The following PEBP4 variants were observed in gnomAD, a reference collection of about 807,000 sequenced individuals.
PEBP4 encodes phosphatidylethanolamine binding protein 4.
PEBP4 carries 22 observed loss-of-function variants against 23.9 expected under a neutral mutation model. The observed-to-expected ratio is 0.92, with a 90% confidence interval of 0.66 to 1.31. PEBP4 has a LOEUF of 1.31. PEBP4 is among the 40% of genes most tolerant of loss of function. The pLI, the probability that PEBP4 is intolerant of heterozygous loss-of-function variation, is 0.00. For missense variants in PEBP4, 324 were observed against 281.7 expected (o/e 1.15, Z -1.07); for synonymous variants, 112 against 99.3 (o/e 1.13, Z -0.76).
At chr8:22,923,497 G>A (rs1428436571) in intron 2 of PEBP4, among the ~76,000 whole-genome samples, 1 of 152,104 alleles carries the variant, frequency 6.6e-6, no homozygotes, top group Non-Finnish European at 1.5e-5. Context: ...AGTCTGGGAG[G>A]TCAAGGTTGC....
At position 22,865,829 on chromosome 8, in the gene PEBP4, G is replaced by C. The variant is rs1046939687; in HGVS notation, c.259-48094C>G. 6.6e-6 allele frequency among the ~76,000 whole-genome samples: 1 copy of C among 152,178 alleles called. No homozygotes were observed. The highest frequency in any genetic ancestry group is 1.5e-5 in the Non-Finnish European group (1 of 68,022). The stretch of plus-strand genomic sequence containing the variant: ...CGGCGCCTAGAGGGACCCCCACCCC[G>C]GGCTCGAACTCCCGACAAGACTGAG... On this transcript the variant is annotated intron_variant, in intron 3 of 6. Transcript: ENST00000256404. This position sits in a 1 kb window ranked among gnomAD's most constrained non-coding sequence, Gnocchi z 6.9.
At chr8:22,778,201 G>A (rs1805852051) in intron 4 of PEBP4, among the ~76,000 whole-genome samples, 8 of 151,762 alleles carry the variant, frequency 5.3e-5, no homozygotes, top group Admixed American at 3.3e-4. Context: ...TGTCCATCTC[G>A]CCCCTCTCTG....
intron 3 of PEBP4, among the ~76,000 whole-genome samples, chr8:22,821,334 T>C (rs762560828): frequency 2.0e-5 from 3 of 152,090 alleles, no homozygotes; most frequent in Admixed American, 6.5e-5. Context: ...TCCATTCAAA[T>C]AGTAGTAATA....
At chr8:22,773,315 T>C (rs1241032602) in intron 4 of PEBP4, among the ~76,000 whole-genome samples, 1 of 152,218 alleles carries the variant, frequency 6.6e-6, no homozygotes, top group Non-Finnish European at 1.5e-5. Flanking sequence ...GATTACAGCA[T>C]ATTTAACCTG....
chr8:22,746,932 C>T (rs1436173917), intron 4 of PEBP4, among the ~76,000 whole-genome samples: 2 of 152,182 alleles, frequency 1.3e-5, no homozygotes, highest in African/African-American at 4.8e-5. Flanking sequence ...CTCAAGTGAT[C>T]TTCCCATGTC....
intron 3 of PEBP4, chr8:22,885,518 C>T (rs1309028595): frequency 6.6e-6 from 1 of 152,204 alleles, no homozygotes; most frequent in African/African-American, 2.4e-5. Context: ...CACGACGTAA[C>T]TGTGAGTCCT....
At chr8:22,740,719 G>T (rs1196303044) in intron 4 of PEBP4, among the ~76,000 whole-genome samples, 1 of 152,092 alleles carries the variant, frequency 6.6e-6, no homozygotes, top group South Asian at 2.1e-4. Context: ...TCCCCCTGTG[G>T]CCCCAGCTCT....
At chr8:22,897,084 C>T (rs150148424) in intron 3 of PEBP4, among the ~76,000 whole-genome samples, 200 of 151,652 alleles carry the variant, frequency 1.3e-3, no homozygotes, top group African/African-American at 4.6e-3. Flanking sequence ...TACGGCTTAG[C>T]GTAGACATTG....
intron 3 of PEBP4, among the ~76,000 whole-genome samples, chr8:22,875,910 A>G (rs1262983699): frequency 6.6e-6 from 1 of 151,700 alleles, no homozygotes; most frequent in Non-Finnish European, 1.5e-5. Context: ...CTCAGATGTC[A>G]CCTGTTCTTT....
At chr8:22,798,602 C>T (rs914504241) in intron 4 of PEBP4, 1 of 153,098 alleles carries the variant, frequency 6.5e-6, no homozygotes, top group African/African-American at 2.4e-5. Context: ...CCTCACAGAG[C>T]CCTTTGTGGC....
In PEBP4 at chr8:22,817,699, C is replaced by T; in HGVS notation, c.295G>A (p.Ala99Thr). 1 of 1,614,216 alleles carries T rather than the reference C, an allele frequency of 6.2e-7. No individual in the cohort carries two copies. The highest frequency in any genetic ancestry group is 8.5e-7 in the Non-Finnish European group (1 of 1,180,036). ...TYILVMVDPD[A>T]PSRAEPRQRF... The stretch of plus-strand genomic sequence containing the variant: ...TGTCTGGGTTCTGCTCTGCTAGGGG[C>T]ATCTGGATCCACCATCACCAGGATA... The change falls in exon 4 of 7, where the codon GCC becomes ACC. Residue 99 changes from alanine to threonine, a missense_variant. Coordinates refer to ENST00000256404, the MANE Select transcript of PEBP4 (RefSeq NM_144962.3).
chr8:22,732,728 G>A (rs556745304), intron 4 of PEBP4, among the ~76,000 whole-genome samples: 1 of 152,154 alleles, frequency 6.6e-6, no homozygotes, highest in East Asian at 1.9e-4. Context: ...CTGGGTTTAT[G>A]CATGACTGCT....
At chr8:22,764,678 G>GA (rs1805574055) in intron 4 of PEBP4, among the ~76,000 whole-genome samples, 1 of 151,812 alleles carries the variant, frequency 6.6e-6, no homozygotes, top group African/African-American at 2.4e-5. Flanking sequence ...TCAACTGGCT[G>GA]ACCCGTGGTC....
chr8:22,830,351 G>T (rs753760973), intron 3 of PEBP4, among the ~76,000 whole-genome samples: 13 of 151,960 alleles, frequency 8.6e-5, no homozygotes, highest in Non-Finnish European at 1.9e-4. Flanking sequence ...CACCATGTTG[G>T]CCAGGATGGT....
At chr8:22,907,582 T>C (rs1342338696) in intron 3 of PEBP4, among the ~76,000 whole-genome samples, 1 of 151,816 alleles carries the variant, frequency 6.6e-6, no homozygotes, top group Non-Finnish European at 1.5e-5. Flanking sequence ...AGGGAGCCAA[T>C]GAGAAGTTAG....
chr8:22,941,013 A>C (rs980609235), intron 1 of PEBP4, among the ~76,000 whole-genome samples: 15 of 152,086 alleles, frequency 9.9e-5, no homozygotes, highest in Non-Finnish European at 2.2e-4. Context: ...GGTGCCCCTC[A>C]GTTTGGGCCC....
chr8:22,776,847 G>A (rs1253352291), intron 4 of PEBP4, among the ~76,000 whole-genome samples: 1 of 150,608 alleles, frequency 6.6e-6, no homozygotes, highest in African/African-American at 2.4e-5. Context: ...GAGCAGCGCT[G>A]AAGTGAAGCC....
chr8:22,817,533 G>T, intron 4 of PEBP4, 104 bp downstream of exon 4: 1 of 1,075,642 alleles, frequency 9.3e-7, no homozygotes, highest in Non-Finnish European at 1.4e-6. Flanking sequence ...GGACACAGAA[G>T]TCCTCGCTCC....
chr8:22,717,783 G>C (rs1804444746), intron 6 of PEBP4, among the ~76,000 whole-genome samples: 1 of 152,158 alleles, frequency 6.6e-6, no homozygotes, highest in Admixed American at 6.5e-5. Flanking sequence ...ACTGCTTCTT[G>C]TTGGGGGATG....
Sources: allele counts gnomAD v4.1 joint callset (sites outside exome capture counted in the v4.1 genomes callset), GRCh38; gene constraint gnomAD v4.1.1; non-coding constraint Gnocchi (gnomAD v3.1); transcripts MANE v1.5; gene names NCBI Gene and HGNC (gene_info 2026-07-23, HGNC 2026-07-21).